PLCB2: variants seen among roughly 807,000 people sequenced by gnomAD.
PLCB2 encodes phospholipase C beta 2.
PLCB2 carries 115 observed loss-of-function variants against 141.7 expected under a neutral mutation model. The ratio of observed to expected loss-of-function variants is 0.81; its 90% CI spans 0.70 to 0.95. The LOEUF (loss-of-function observed/expected upper bound fraction) is 0.95. Ranked by LOEUF, PLCB2 falls within the 40% of genes least tolerant of loss-of-function variation. The pLI, the probability that PLCB2 is intolerant of heterozygous loss-of-function variation, is 0.00. For synonymous variants in PLCB2, 603 were observed against 595.6 expected, an observed-to-expected ratio of 1.01 and a Z score of -0.18; for missense variants, 1,403 against 1,541.1, an observed-to-expected ratio of 0.91 and a Z score of 1.50.
At chr15:40,289,868 T>C (rs74720782) in intron 30 of PLCB2, among the ~76,000 whole-genome samples, 157 bp downstream of exon 30, 2,414 of 151,188 alleles carry the variant, frequency 0.016, 38 homozygotes, top group South Asian at 0.038. Context: ...TGGACAGCGC[T>C]AGGCAGTGCA....
downstream of PLCB2, among the ~76,000 whole-genome samples, chr15:40,286,988 G>T (rs75630538): frequency 1.3e-5 from 2 of 152,212 alleles, no homozygotes; most frequent in African/African-American, 4.8e-5. Context: ...AGCAAAATCT[G>T]GGGGCTGCCC....
chr15:40,289,107 CGGA>C (rs1034795347), intron 31 of PLCB2, 162 bp downstream of exon 31: 8 of 1,015,724 alleles, frequency 7.9e-6, no homozygotes, highest in Non-Finnish European at 1.1e-5. Flanking sequence ...CCTAACCAGG[CGGA>C]GATCTGCAGA....
chr15:40,294,304 G>C lies in PLCB2; in HGVS notation c.2023C>G (p.Arg675Gly). 3.1e-6 allele frequency: 5 copies of C among 1,614,106 alleles called. No individual in the cohort carries two copies. Among genetic ancestry groups the C allele is most frequent in the Non-Finnish European group, 4.2e-6 (5 of 1,180,026 alleles). ...DKQFNPFSVD[R>G]IDVVVATTLS... ...GTGGTGGCCACCACCACGTCGATGCGGTCCACTGAGAAGGGGTTGAACTGC... is the reference window on the plus strand; with the variant it reads ...GTGGTGGCCACCACCACGTCGATGCCGTCCACTGAGAAGGGGTTGAACTGC... Residue 675 changes from arginine to glycine, a missense_variant, in exon 19 of 32, where the codon CGC (arginine) becomes GGC (glycine). Around this residue, in one of 4 missense-constraint regions of PLCB2, gnomAD observed 975 missense variants for 1,141.1 expected, o/e 0.85. Coordinates refer to ENST00000260402, the MANE Select transcript of PLCB2 (RefSeq NM_004573.3).
At chr15:40,300,113 G>C (rs1372536202) in intron 7 of PLCB2, among the ~76,000 whole-genome samples, 1 of 152,114 alleles carries the variant, frequency 6.6e-6, no homozygotes, top group Non-Finnish European at 1.5e-5. Context: ...TCAGGAGTTC[G>C]AGACCAGCCT....
intron 3 of PLCB2, 41 bp downstream of exon 3, chr15:40,303,247 G>A: frequency 1.4e-6 from 2 of 1,455,150 alleles, no homozygotes; most frequent in Non-Finnish European, 1.9e-6. Flanking sequence ...CATGGAGCTA[G>A]TAGCTGTGCT....
At position 40,292,964 on chromosome 15, in the gene PLCB2, A is replaced by G; in HGVS notation, c.2288T>C (p.Leu763Pro). 4 of 1,608,206 alleles carry G rather than the reference A, an allele frequency of 2.5e-6. No homozygotes were observed. The highest frequency in any genetic ancestry group is 3.4e-6 in the Non-Finnish European group (4 of 1,177,016). ...ATTGATGGGGATGATGCGGTGTCCA[A>G]GAAACTTGTTGCCTTCCTCCATCAC... ...VAVMEEGNKFLGHRIIPINAL... is the reference protein window; with the variant it reads ...VAVMEEGNKFPGHRIIPINAL... The change falls in exon 21 of 32, where the codon CTT becomes CCT. Residue 763 changes from leucine (L) to proline (P), a missense_variant. Transcript: ENST00000260402.
chr15:40,302,832 C>T (rs1475393661), intron 3 of PLCB2, among the ~76,000 whole-genome samples: 3 of 152,318 alleles, frequency 2.0e-5, no homozygotes, highest in Non-Finnish European at 2.9e-5. Flanking sequence ...GGCGGGCAGG[C>T]GGGGAGGCCG....
Position 40,288,061 on chromosome 15 carries a change from T to C in PLCB2, c.*654A>G. ...CTGCCCCCAGGCCTAGGAAGAGGGG[T>C]GAGCCAGGGTCAGGGTGGAACAGCA... On this transcript the variant is annotated 3_prime_UTR_variant, in exon 32 of 32. Transcript: ENST00000260402. 8 of 985,286 alleles carry C rather than the reference T, an allele frequency of 8.1e-6. No homozygotes were observed. Among genetic ancestry groups the C allele is most frequent in the Non-Finnish European group, 9.6e-6 (8 of 829,918 alleles). 61.0% of individuals were successfully genotyped at this position (985,286 alleles called of 1,614,324 possible).
intron 7 of PLCB2, among the ~76,000 whole-genome samples, chr15:40,300,436 C>G (rs540214777): frequency 1.3e-5 from 2 of 152,274 alleles, no homozygotes; most frequent in East Asian, 3.9e-4. Context: ...GGTATATACC[C>G]AAGAGAATTT....
Position 40,294,399 on chromosome 15 carries a change from A to T in PLCB2, c.1928T>A (p.Met643Lys). 1 of 1,614,206 alleles carries T rather than the reference A, an allele frequency of 6.2e-7. No individual in the cohort carries two copies. Among genetic ancestry groups the T allele is most frequent in the African/African-American group, 1.3e-5 (1 of 75,060 alleles). The change falls in exon 19 of 32, where the codon ATG (methionine) becomes AAG (lysine). Residue 643 changes from methionine (M) to lysine (K), a missense_variant. Transcript: ENST00000260402. ...CTGCCCGTTGAACTCAAATACTGCC[A>T]TGTTCTGCTGCATGGGCAAGTCTGG... The part of the protein sequence containing the change: ...QTMDLPMQQN[M>K]AVFEFNGQSG...
rs780411305 is a variant in PLCB2 at position 40,290,816 on chromosome 15, G to A, written c.3058C>T (p.Leu1020=). Reference sequence around the variant, plus strand: ...TCTGCCGCCTGTTTCTCTCTGGCCAGCTCCATCATTTTGGAGATTTGCTGC... The same window carrying A: ...TCTGCCGCCTGTTTCTCTCTGGCCAACTCCATCATTTTGGAGATTTGCTGC... The part of the protein sequence containing the change: ...VAEQISKMME[L]AREKQAAELK... The change falls in exon 28 of 32, where the codon CTG becomes TTG. Residue 1020 remains leucine (L), a synonymous_variant. Coordinates refer to ENST00000260402, the MANE Select transcript of PLCB2 (RefSeq NM_004573.3). 1.2e-6 allele frequency: 2 copies of A among 1,613,218 alleles called. No homozygotes were observed. The highest frequency in any genetic ancestry group is 1.7e-6 in the Non-Finnish European group (2 of 1,179,922).
At chr15:40,293,490 T>G in intron 20 of PLCB2, 70 bp downstream of exon 20, 7 of 1,479,856 alleles carry the variant, frequency 4.7e-6, no homozygotes, top group Non-Finnish European at 6.6e-6. Flanking sequence ...CTGCCTTGTT[T>G]ACTTCCTCTT....
intron 2 of PLCB2, 103 bp from the exon 3 acceptor site, chr15:40,303,459 C>T: frequency 1.2e-6 from 1 of 816,956 alleles, no homozygotes; most frequent in East Asian, 2.6e-5. Flanking sequence ...CCACACCCTT[C>T]AAATCTTGGC....
intron 16 of PLCB2, among the ~76,000 whole-genome samples, chr15:40,295,597 G>C (rs1458814359): frequency 6.6e-6 from 1 of 152,224 alleles, no homozygotes; most frequent in Non-Finnish European, 1.5e-5. Flanking sequence ...TAGGGGGTCA[G>C]TAACATGCTG....
At chr15:40,296,210 G>C in intron 16 of PLCB2, 86 bp downstream of exon 16, 1 of 1,043,024 alleles carries the variant, frequency 9.6e-7, no homozygotes, top group Non-Finnish European at 1.4e-6. Flanking sequence ...TCCGTGGCTG[G>C]ATATTTATAG....
chr15:40,296,573 C>T lies in PLCB2; in HGVS notation c.1548G>A (p.Glu516=), dbSNP rs754072952. Reference sequence around the variant, plus strand: ...CTTCTTCATCCAGGTTTCCTGACTCCTCCTCCTCTTCCTCTTCCACCTCCT... The same window carrying T: ...CTTCTTCATCCAGGTTTCCTGACTCTTCCTCCTCTTCCTCTTCCACCTCCT... The part of the protein sequence containing the change: ...EEEEVEEEEE[E]ESGNLDEEEI... The change falls in exon 15 of 32, where the codon GAG becomes GAA. Residue 516 remains glutamate, a synonymous_variant. Transcript: ENST00000260402. 6 of 1,613,382 alleles carry T rather than the reference C, an allele frequency of 3.7e-6. No individual in the cohort carries two copies. The highest frequency in any genetic ancestry group is 5.1e-6 in the Non-Finnish European group (6 of 1,179,604).
At chr15:40,307,546 C>T (rs1280167977) in intron 1 of PLCB2, 43 bp downstream of exon 1, 1 of 1,318,046 alleles carries the variant, frequency 7.6e-7, no homozygotes, top group Non-Finnish European at 1.1e-6. Context: ...GCCCGGCCCC[C>T]ACCACCTGGT....
rs58301997 is a variant in PLCB2, at chr15:40,295,215, C to T, written c.1767G>A (p.Ser589=). ...CTCAAGGATACTCCACAAACTGCAC[C>T]GAGGCCTTGGAGAGCAGGTCATATG... is the stretch of plus-strand genomic sequence containing the variant. The part of the protein sequence containing the change: ...LKAYDLLSKA[S]VQFVDYNKRQ... Residue 589 remains serine (S), a synonymous_variant, in exon 17 of 32, where the codon TCG becomes TCA. Transcript: ENST00000260402. 1.2e-4 allele frequency: 201 copies of T among 1,613,784 alleles called. 1 individual carries two copies. The South Asian group carries it at 1.8e-3, about 14-fold the overall frequency.
intron 7 of PLCB2, chr15:40,301,544 G>A (rs949879200): frequency 4.3e-6 from 3 of 702,774 alleles, no homozygotes; most frequent in East Asian, 5.4e-5. Flanking sequence ...CCCTCGACAC[G>A]CTGCAGACTT....
Sources: allele counts gnomAD v4.1 joint callset (sites outside exome capture counted in the v4.1 genomes callset), GRCh38; gene constraint gnomAD v4.1.1; regional missense constraint gnomAD v4.1.1; transcripts MANE v1.5; gene names NCBI Gene and HGNC (gene_info 2026-07-23, HGNC 2026-07-21).